CNTN5: variants seen among roughly 807,000 people sequenced by gnomAD.
The protein encoded by CNTN5 is contactin-5.
CNTN5 carries 77 observed loss-of-function variants against 129.1 expected under a neutral mutation model. That is an observed-to-expected ratio of 0.60 (90% confidence interval 0.50 to 0.72). The LOEUF (loss-of-function observed/expected upper bound fraction) is 0.72. Among genes scored for constraint, CNTN5 ranks in the 30% least tolerant of loss-of-function variants. The pLI is 0.00. For missense variants in CNTN5, 1,478 were observed against 1,328.8 expected (o/e 1.11, Z -1.75); for synonymous variants, 509 against 465.6 (o/e 1.09, Z -1.20).
intron 1 of CNTN5, among the ~76,000 whole-genome samples, chr11:99,226,058 T>C (rs1182600903): frequency 6.6e-6 from 1 of 152,202 alleles, no homozygotes; most frequent in African/African-American, 2.4e-5. Context: ...TTAGAATGAC[T>C]TACAAACTAT....
chr11:99,329,798 T>G (rs2136021783), intron 2 of CNTN5, among the ~76,000 whole-genome samples: 1 of 152,210 alleles, frequency 6.6e-6, no homozygotes, highest in Admixed American at 6.6e-5. Context: ...GTATCTCAAT[T>G]TTTATAAACC....
chr11:99,753,056 A>G (rs1944285413), intron 3 of CNTN5, among the ~76,000 whole-genome samples: 1 of 151,678 alleles, frequency 6.6e-6, no homozygotes, highest in Non-Finnish European at 1.5e-5. Context: ...ACAATATGTA[A>G]CAATTGAAGA....
chr11:100,173,648 G>A (rs1947884783), intron 13 of CNTN5, among the ~76,000 whole-genome samples: 1 of 152,118 alleles, frequency 6.6e-6, no homozygotes, highest in Admixed American at 6.5e-5. Flanking sequence ...AAGAAGTTTA[G>A]AAAAGACAGT....
intron 2 of CNTN5, among the ~76,000 whole-genome samples, chr11:99,414,352 T>C (rs956426862): frequency 6.6e-6 from 1 of 152,154 alleles, no homozygotes; most frequent in Non-Finnish European, 1.5e-5. Context: ...TGTATGTGTA[T>C]AGTTGTGCAC....
chr11:100,163,047 A>G (rs1947510356), intron 13 of CNTN5, among the ~76,000 whole-genome samples: 2 of 151,836 alleles, frequency 1.3e-5, no homozygotes, highest in South Asian at 2.1e-4. Flanking sequence ...GTTAGAGTAT[A>G]TTAAGTTTTA....
At chr11:99,753,154 G>A (rs1039289122) in intron 3 of CNTN5, among the ~76,000 whole-genome samples, 4 of 118,060 alleles carry the variant, frequency 3.4e-5, no homozygotes, top group Admixed American at 1.1e-4. Flanking sequence ...ATGGAGTCTC[G>A]CTTTGTCGCC....
chr11:99,475,114 G>A (rs1042027485), intron 2 of CNTN5, among the ~76,000 whole-genome samples: 4 of 151,836 alleles, frequency 2.6e-5, no homozygotes, highest in African/African-American at 9.7e-5. Context: ...TGTGGGATTA[G>A]ACCATGTAAG....
intron 6 of CNTN5, among the ~76,000 whole-genome samples, chr11:99,868,462 G>A (rs1948415463): frequency 6.6e-6 from 1 of 152,152 alleles, no homozygotes; most frequent in African/African-American, 2.4e-5. Flanking sequence ...AATAGGCTAA[G>A]GCTTGGCCAA....
At chr11:99,866,342 C>T (rs1007195020) in intron 6 of CNTN5, among the ~76,000 whole-genome samples, 12 of 151,944 alleles carry the variant, frequency 7.9e-5, no homozygotes, top group Non-Finnish European at 1.5e-5. Flanking sequence ...TATTTTTTTT[C>T]CATTTAAAAT....
chr11:99,645,534 C>G (rs76640763), intron 3 of CNTN5, among the ~76,000 whole-genome samples: 90,454 of 150,896 alleles, frequency 0.6, 27,909 homozygotes, highest in Admixed American at 0.69. Context: ...CAGTAACAAA[C>G]ACTTGGAACC....
intron 3 of CNTN5, among the ~76,000 whole-genome samples, chr11:99,729,719 A>G (rs1963651): frequency 0.62 from 94,766 of 151,894 alleles, 30,232 homozygotes; most frequent in East Asian, 0.84. Flanking sequence ...CTATGCAGCC[A>G]TAAAAAGGAG....
intron 1 of CNTN5, among the ~76,000 whole-genome samples, chr11:99,171,185 T>C (rs565121478): frequency 2.0e-5 from 3 of 152,306 alleles, no homozygotes; most frequent in African/African-American, 7.2e-5. Context: ...TGCTTAACTT[T>C]ATTTAAAAAT....
chr11:99,588,511 G>A (rs564368820), intron 3 of CNTN5, among the ~76,000 whole-genome samples: 2 of 152,212 alleles, frequency 1.3e-5, no homozygotes, highest in South Asian at 4.1e-4. Flanking sequence ...TGGGAAACTG[G>A]GACTTTGGGA....
intron 7 of CNTN5, among the ~76,000 whole-genome samples, chr11:99,934,947 T>TATATAC (rs1219227683): frequency 1.3e-5 from 1 of 79,122 alleles, no homozygotes; most frequent in African/African-American, 6.1e-5. Context: ...TATATATATA[T>TATATAC]ACACACACAT....
intron 13 of CNTN5, among the ~76,000 whole-genome samples, chr11:100,177,434 T>C (rs1948001594): frequency 6.6e-6 from 1 of 152,132 alleles, no homozygotes; most frequent in African/African-American, 2.4e-5. Flanking sequence ...CTGGGTCATA[T>C]TCAGAATCTT....
At chr11:100,234,783 C>G (rs1949572848) in intron 16 of CNTN5, among the ~76,000 whole-genome samples, 1 of 135,266 alleles carries the variant, frequency 7.4e-6, no homozygotes, top group Middle Eastern at 3.7e-3. Flanking sequence ...GCACATGTAT[C>G]CCAGAATTTA....
At chr11:99,756,678 A>G (rs565534725) in intron 3 of CNTN5, among the ~76,000 whole-genome samples, 47 of 152,208 alleles carry the variant, frequency 3.1e-4, no homozygotes, top group African/African-American at 1.1e-3. Flanking sequence ...CCCATTCTCA[A>G]GTTATTTAAA....
At chr11:99,831,982 C>T (rs1342512849) in intron 4 of CNTN5, among the ~76,000 whole-genome samples, 4 of 152,102 alleles carry the variant, frequency 2.6e-5, no homozygotes, top group Non-Finnish European at 4.4e-5. Context: ...CAATGGCCAA[C>T]CACTGAGTTC....
At chr11:100,145,892 C>T (rs568472353) in intron 13 of CNTN5, among the ~76,000 whole-genome samples, 8 of 152,236 alleles carry the variant, frequency 5.3e-5, no homozygotes, top group Admixed American at 2.6e-4. Flanking sequence ...GTCCCCAAAT[C>T]ACTCCATTAA....
Sources: allele counts gnomAD v4.1 joint callset (sites outside exome capture counted in the v4.1 genomes callset), GRCh38; gene constraint gnomAD v4.1.1; transcripts MANE v1.5; gene names NCBI Gene and HGNC (gene_info 2026-07-23, HGNC 2026-07-21).